The following PRKN variants were observed in gnomAD, a reference collection of about 807,000 sequenced individuals.
PRKN encodes the protein parkin RBR E3 ubiquitin protein ligase, also known as E3 ubiquitin-protein ligase parkin.
Under a neutral mutation model 59.5 loss-of-function variants are expected in PRKN, and 56 were observed. That is an observed-to-expected ratio of 0.94 (90% CI 0.76 to 1.18). The LOEUF (loss-of-function observed/expected upper bound fraction) is 1.18, where lower values mean the gene tolerates loss of function less well. Ranked by LOEUF, PRKN falls within the 50% of genes most tolerant of loss-of-function variation. PRKN has a pLI of 0.00. For missense variants in PRKN, 657 were observed against 596.4 expected, an observed-to-expected ratio of 1.10 and a Z score of -1.06; for synonymous variants, 250 against 222.1, an observed-to-expected ratio of 1.13 and a Z score of -1.12.
At position 161,359,317 on chromosome 6, in the gene PRKN, A is replaced by G. The variant is rs1342231742; in HGVS notation, c.1285+771T>C. ...TAATGAAAACTTCCTGAAGGACATA[A>G]CTGAAAAGAGAGAGGCTTGAGTGCC... On this transcript the variant is annotated intron_variant, in intron 11 of 11. Coordinates refer to ENST00000366898, the MANE Select transcript of PRKN (RefSeq NM_004562.3). The surrounding 1 kb of genome is among the most constrained non-coding windows in gnomAD (Gnocchi z 5.4). 6.6e-6 allele frequency among the ~76,000 whole-genome samples: 1 copy of G among 152,212 alleles called. No homozygotes were observed. The highest frequency in any genetic ancestry group is 2.4e-5 in the African/African-American group (1 of 41,452).
intron 2 of PRKN, among the ~76,000 whole-genome samples, chr6:162,369,648 T>C (rs1785639170): frequency 6.6e-6 from 1 of 152,170 alleles, no homozygotes; most frequent in South Asian, 2.1e-4. Flanking sequence ...ATTGAGTACG[T>C]AGTTTAAATG....
At chr6:162,030,871 C>G (rs1783609106) in intron 5 of PRKN, among the ~76,000 whole-genome samples, 2 of 152,170 alleles carry the variant, frequency 1.3e-5, no homozygotes, top group African/African-American at 4.8e-5. Context: ...AGAGTGCAGT[C>G]TATGAATACT....
At chr6:161,496,261 G>T (rs960789922) in intron 9 of PRKN, among the ~76,000 whole-genome samples, 1 of 152,186 alleles carries the variant, frequency 6.6e-6, no homozygotes, top group African/African-American at 2.4e-5. Flanking sequence ...GGGTTGAGTT[G>T]TATCCCTTAC....
chr6:162,602,900 T>A (rs994914834), intron 1 of PRKN, among the ~76,000 whole-genome samples: 2 of 152,052 alleles, frequency 1.3e-5, no homozygotes, highest in African/African-American at 2.4e-5. Context: ...ATGCAGAAAG[T>A]AAGAGGCTGC....
intron 3 of PRKN, among the ~76,000 whole-genome samples, chr6:162,214,947 G>A (rs574153757): frequency 1.3e-5 from 2 of 152,268 alleles, no homozygotes; most frequent in East Asian, 3.9e-4. Context: ...CAATAAGTAA[G>A]CAATAAATAT....
At chr6:161,727,758 C>A (rs1382156903) in intron 7 of PRKN, among the ~76,000 whole-genome samples, 1 of 152,094 alleles carries the variant, frequency 6.6e-6, no homozygotes, top group African/African-American at 2.4e-5. Context: ...TTCATGATGT[C>A]AATAAAGGAG....
intron 2 of PRKN, among the ~76,000 whole-genome samples, chr6:162,301,301 T>C (rs893047679): frequency 6.6e-6 from 1 of 151,994 alleles, no homozygotes; most frequent in East Asian, 1.9e-4. Context: ...TACTGATCTT[T>C]GTAGTATAGT....
At chr6:161,839,175 A>G (rs189293438) in intron 6 of PRKN, among the ~76,000 whole-genome samples, 26 of 152,244 alleles carry the variant, frequency 1.7e-4, no homozygotes, top group African/African-American at 5.5e-4. Flanking sequence ...GGCATTGGAG[A>G]TATGCCTCCC....
At chr6:162,353,357 T>TAA (rs528106583) in intron 2 of PRKN, among the ~76,000 whole-genome samples, 1 of 143,204 alleles carries the variant, frequency 7.0e-6, no homozygotes, top group African/African-American at 2.5e-5. Context: ...CTGGAACTGC[T>TAA]AAAAAAAAAA....
intron 1 of PRKN, among the ~76,000 whole-genome samples, chr6:162,685,480 C>T (rs531098338): frequency 2.0e-5 from 3 of 151,866 alleles, no homozygotes; most frequent in African/African-American, 4.8e-5. Context: ...TGGAAAATGT[C>T]GTAGTACAAA....
Position 161,682,175 on chromosome 6 carries a change from C to T in PRKN, c.871+103597G>A, listed in dbSNP as rs146767136. Among the ~76,000 whole-genome samples, 549 of 152,238 alleles carry T rather than the reference C, an allele frequency of 3.6e-3. 2 individuals are homozygous for T. Among genetic ancestry groups the T allele is most frequent in the African/African-American group, 0.011 (477 of 41,564 alleles). On this transcript the variant is annotated intron_variant, in intron 7 of 11. Coordinates refer to ENST00000366898, the MANE Select transcript of PRKN (RefSeq NM_004562.3). Reference sequence around the variant, plus strand: ...AGGGAGGGCTGCCCAATGGGCCCCACGAGGCAGCTCCACTGGGCATGGCAG... The same window carrying T: ...AGGGAGGGCTGCCCAATGGGCCCCATGAGGCAGCTCCACTGGGCATGGCAG...
intron 1 of PRKN, among the ~76,000 whole-genome samples, chr6:162,529,239 A>T (rs977125468): frequency 4.7e-5 from 7 of 150,094 alleles, no homozygotes; most frequent in Admixed American, 3.4e-4. Context: ...TGGGAAAAAA[A>T]TTAGTAGTTG....
At chr6:162,273,030 TTTTCAG>T (rs1780464851) in intron 2 of PRKN, among the ~76,000 whole-genome samples, 1 of 117,824 alleles carries the variant, frequency 8.5e-6, no homozygotes, top group African/African-American at 3.2e-5. Flanking sequence ...GGAAAAAAAA[TTTTCAG>T]AAACAAGTGA....
At chr6:162,259,267 T>C (rs980122068) in intron 3 of PRKN, among the ~76,000 whole-genome samples, 21 of 152,194 alleles carry the variant, frequency 1.4e-4, no homozygotes, top group African/African-American at 4.3e-4. Flanking sequence ...CTGCCTCTGT[T>C]CTCCCACCCA....
At chr6:161,403,462 C>G (rs1051809907) in intron 9 of PRKN, among the ~76,000 whole-genome samples, 1 of 152,082 alleles carries the variant, frequency 6.6e-6, no homozygotes, top group Non-Finnish European at 1.5e-5. Flanking sequence ...TGTGGAGAAA[C>G]GGAAAAACGC....
chr6:162,571,957 G>A (rs569097256), intron 1 of PRKN, among the ~76,000 whole-genome samples: 1 of 152,174 alleles, frequency 6.6e-6, no homozygotes, highest in East Asian at 1.9e-4. Context: ...GATGACCTGA[G>A]AGCACAGAAA....
chr6:161,888,293 C>T (rs1168874692), intron 6 of PRKN, among the ~76,000 whole-genome samples: 2 of 152,162 alleles, frequency 1.3e-5, no homozygotes, highest in East Asian at 1.9e-4. Context: ...TTACCTTCTA[C>T]CCATTCATGT....
chr6:161,707,691 G>C (rs1786564589), intron 7 of PRKN, among the ~76,000 whole-genome samples: 1 of 148,432 alleles, frequency 6.7e-6, no homozygotes, highest in Non-Finnish European at 1.5e-5. Flanking sequence ...TTCAAAGGCA[G>C]TTTTCGATTT....
rs774897591 is a variant in PRKN at position 162,399,570 on chromosome 6, C to T, written c.171+43740G>A. ...ACATGCATGTATGCATGCATGCACA[C>T]AATCTATACAAACATACTACAAGAA... On this transcript the variant is annotated intron_variant, in intron 2 of 11. Coordinates refer to ENST00000366898, the MANE Select transcript of PRKN (RefSeq NM_004562.3). Among the ~76,000 whole-genome samples the T allele has an allele frequency of 3.1e-4, 47 of 152,158 alleles. 1 individual carries two copies. Among genetic ancestry groups the T allele is most frequent in the Non-Finnish European group, 5.7e-4 (39 of 68,002 alleles).
Sources: allele counts gnomAD v4.1 joint callset (sites outside exome capture counted in the v4.1 genomes callset), GRCh38; gene constraint gnomAD v4.1.1; non-coding constraint Gnocchi (gnomAD v3.1); transcripts MANE v1.5; gene names NCBI Gene and HGNC (gene_info 2026-07-23, HGNC 2026-07-21).